HDAC8: variants seen among roughly 807,000 people sequenced by gnomAD.
HDAC8 encodes histone deacetylase 8.
HDAC8 carries 1 observed loss-of-function variant against 32.2 expected under a neutral mutation model. The observed-to-expected ratio is 0.03, with a 90% CI of 0.01 to 0.15. The LOEUF (loss-of-function observed/expected upper bound fraction) is 0.15, where lower values mean the gene tolerates loss of function less well. HDAC8 is among the 10% of genes least tolerant of loss of function. The pLI, the probability that HDAC8 is intolerant of heterozygous loss-of-function variation, is 1.00. For missense variants in HDAC8, 117 were observed against 300.0 expected, an observed-to-expected ratio of 0.39 and a Z score of 4.51; for synonymous variants, 108 against 113.9, an observed-to-expected ratio of 0.95 and a Z score of 0.33.
At chrX:72,463,975 T>G (rs970457596) in intron 8 of HDAC8, among the ~76,000 whole-genome samples, 6 of 112,042 alleles carry the variant, frequency 5.4e-5, no homozygotes, top group Admixed American at 9.5e-5. Flanking sequence ...AATGCTACTA[T>G]TGAATAGACC....
rs187930538 is a variant in HDAC8 at position 72,337,980 on chromosome X, C to T, written c.1112-7904G>A. Among the ~76,000 whole-genome samples the T allele has an allele frequency of 7.1e-5, 8 of 111,982 alleles. No homozygotes were observed. In the East Asian group the frequency reaches 2.0e-3, roughly 28 times the overall value. On this transcript the variant is annotated intron_variant, in intron 10 of 10. Transcript: ENST00000373573. Reference sequence around the variant, plus strand: ...TTCCAACTCTTCTCATAACCTTTGTCACCTTGAGTCGACGAGTCTCAACCC... The same window carrying T: ...TTCCAACTCTTCTCATAACCTTTGTTACCTTGAGTCGACGAGTCTCAACCC...
At chrX:72,388,309 G>C (rs2045510566) in intron 9 of HDAC8, among the ~76,000 whole-genome samples, 1 of 109,590 alleles carries the variant, frequency 9.1e-6, no homozygotes. Context: ...TGGAAGACTG[G>C]AGGGATACCA....
At chrX:72,333,040 A>AAG (rs2043574590) in intron 10 of HDAC8, among the ~76,000 whole-genome samples, 2 of 111,967 alleles carry the variant, frequency 1.8e-5, no homozygotes, top group Non-Finnish European at 3.8e-5. Context: ...TCATTCCCTT[A>AAG]ACAGGGTCTT....
intron 7 of HDAC8, chrX:72,473,696 C>G: frequency 2.7e-6 from 2 of 754,095 alleles, no homozygotes; most frequent in Non-Finnish European, 3.1e-6. Context: ...TCCTATGCAT[C>G]AGATACTATG....
At chrX:72,427,981 C>T (rs1268744399) in intron 9 of HDAC8, among the ~76,000 whole-genome samples, 4 of 112,429 alleles carry the variant, frequency 3.6e-5, no homozygotes, top group African/African-American at 1.3e-4. Flanking sequence ...AGTTCCCTGT[C>T]CTTGCCTGTA....
intron 9 of HDAC8, among the ~76,000 whole-genome samples, chrX:72,373,267 T>C (rs2044940773): frequency 8.9e-6 from 1 of 112,066 alleles, no homozygotes; most frequent in East Asian, 2.8e-4. Context: ...TAGAGTGCAT[T>C]GTTTAGTATA....
Position 72,495,194 on chromosome X carries a change from C to T in HDAC8, c.512G>A (p.Arg171His). Residue 171 changes from arginine to histidine, a missense_variant, in exon 5 of 11, where the codon CGT becomes CAT. Around this residue, in one of 4 missense-constraint regions of HDAC8, gnomAD observed 57 missense variants for 182.0 expected, o/e 0.31. Transcript: ENST00000373573. ...GILRLRRKFE[R>H]ILYVDLDLHH... ...CAGATCCAAATCCACGTAGAGAATACGCTCAAATTTCCGTCGCAATCGTAA... is the reference window on the plus strand; with the variant it reads ...CAGATCCAAATCCACGTAGAGAATATGCTCAAATTTCCGTCGCAATCGTAA... The T allele has an allele frequency of 9.9e-6, 12 of 1,207,840 alleles. No individual in the cohort carries two copies. Among genetic ancestry groups the T allele is most frequent in the Non-Finnish European group, 1.3e-5 (12 of 892,613 alleles).
At chrX:72,483,541 C>T (rs73218359) in intron 7 of HDAC8, among the ~76,000 whole-genome samples, 137 of 111,410 alleles carry the variant, frequency 1.2e-3, no homozygotes, top group Middle Eastern at 4.6e-3. Context: ...TTTTACAGTC[C>T]GCAGAACTGT....
In HDAC8 at chrX:72,396,838, TAAC is replaced by T. The variant is rs1424512151; in HGVS notation, c.1006-45003_1006-45001del. Among the ~76,000 whole-genome samples, 4 of 96,482 alleles carry T rather than the reference TAAC, an allele frequency of 4.1e-5. No homozygotes were observed. In the East Asian group the frequency reaches 8.4e-4, roughly 20 times the overall value. 83.8% of individuals were successfully genotyped at this position (96,482 alleles called of 115,157 possible). A position where few individuals can be genotyped will look rare whatever the true frequency, so the allele number is the denominator to read the frequency against. ...CAACATAGTCAGACCTTATCTCAAA[TAAC>T]AACAACAACAAAAACAACAACAACA... On this transcript the variant is annotated intron_variant, in intron 9 of 10. Coordinates refer to ENST00000373573, the MANE Select transcript of HDAC8 (RefSeq NM_018486.3).
At chrX:72,473,151 C>CTT (rs2048234565) in intron 7 of HDAC8, among the ~76,000 whole-genome samples, 2 of 112,313 alleles carry the variant, frequency 1.8e-5, no homozygotes, top group Admixed American at 9.4e-5. Flanking sequence ...GGCTATGATC[C>CTT]AAAGTGCTTT....
chrX:72,515,435 T>A (rs1311688492), intron 4 of HDAC8, among the ~76,000 whole-genome samples: 1 of 110,400 alleles, frequency 9.1e-6, no homozygotes, highest in Non-Finnish European at 1.9e-5. Flanking sequence ...AAAACTGGGC[T>A]TACTTAACAG....
chrX:72,572,573 C>T, intron 1 of HDAC8, 78 bp downstream of exon 1: 1 of 718,208 alleles, frequency 1.4e-6, no homozygotes. Context: ...GTGTCCTCTC[C>T]GCTTCCTAAC....
At chrX:72,503,104 TGTAA>T (rs1414249713) in intron 4 of HDAC8, among the ~76,000 whole-genome samples, 1 of 112,059 alleles carries the variant, frequency 8.9e-6, no homozygotes, top group African/African-American at 3.2e-5. Context: ...CCATAGCTGT[TGTAA>T]GTCTTTTATC....
intron 4 of HDAC8, among the ~76,000 whole-genome samples, chrX:72,502,855 G>C (rs1398272367): frequency 9.0e-6 from 1 of 110,879 alleles, no homozygotes; most frequent in Non-Finnish European, 1.9e-5. Context: ...GAACCCAGGA[G>C]GGGGAGGTTG....
intron 7 of HDAC8, among the ~76,000 whole-genome samples, chrX:72,475,019 T>C (rs1389476414): frequency 9.0e-6 from 1 of 111,380 alleles, no homozygotes; most frequent in African/African-American, 3.3e-5. Context: ...TAACCGATAC[T>C]GGTGGTGGGG....
intron 7 of HDAC8, among the ~76,000 whole-genome samples, chrX:72,470,333 A>T (rs1354919231): frequency 1.8e-5 from 2 of 111,461 alleles, no homozygotes; most frequent in African/African-American, 6.5e-5. Context: ...TTTCTGTCTC[A>T]TACTGGACGG....
At chrX:72,350,691 C>T (rs376210118) in intron 10 of HDAC8, among the ~76,000 whole-genome samples, 11 of 112,121 alleles carry the variant, frequency 9.8e-5, no homozygotes, top group Admixed American at 1.9e-4. Context: ...ATACGTAATG[C>T]GAATGGTGGA....
intron 9 of HDAC8, among the ~76,000 whole-genome samples, chrX:72,438,060 A>G (rs1167076125): frequency 8.9e-6 from 1 of 112,316 alleles, no homozygotes; most frequent in East Asian, 2.8e-4. Context: ...GATACCTCCC[A>G]GCAGGGGTCA....
intron 9 of HDAC8, among the ~76,000 whole-genome samples, chrX:72,404,174 T>C (rs1281836283): frequency 9.0e-6 from 1 of 111,505 alleles, no homozygotes; most frequent in Non-Finnish European, 1.9e-5. Flanking sequence ...GCTGTGTTTT[T>C]GCTGCTTTAT....
Sources: allele counts gnomAD v4.1 joint callset (sites outside exome capture counted in the v4.1 genomes callset), GRCh38; gene constraint gnomAD v4.1.1; regional missense constraint gnomAD v4.1.1; transcripts MANE v1.5; gene names NCBI Gene and HGNC (gene_info 2026-07-23, HGNC 2026-07-21).